ZNF385D: variants seen among roughly 807,000 people sequenced by gnomAD.
ZNF385D encodes the protein zinc finger protein 385D, also known as zinc finger protein 659.
A neutral mutation model predicts 35.8 loss-of-function variants in ZNF385D; 15 were observed. The ratio of observed to expected loss-of-function variants is 0.42; its 90% CI spans 0.28 to 0.64. ZNF385D has a LOEUF of 0.64. Ranked by LOEUF, ZNF385D falls within the 30% of genes least tolerant of loss-of-function variation. The probability of loss-of-function intolerance (pLI) is 0.23; values close to 1 mark genes in which losing one functional copy is unlikely to be tolerated. For synonymous variants in ZNF385D, 212 were observed against 186.8 expected (o/e 1.13, Z -1.10); for missense variants, 474 against 494.6 (o/e 0.96, Z 0.39).
intron 3 of ZNF385D, among the ~76,000 whole-genome samples, chr3:21,919,715 ACTACCATCCTGCAGAACCAG>A (rs1254386311): frequency 2.6e-5 from 4 of 152,224 alleles, no homozygotes; most frequent in African/African-American, 9.6e-5. Flanking sequence ...AGTTGCTCAT[ACTACCATCCTGCAGAACCAG>A]CATTCTTCAG....
chr3:22,230,723 A>T (rs1907619), intron 2 of ZNF385D, among the ~76,000 whole-genome samples: 24,260 of 152,116 alleles, frequency 0.16, 1,990 homozygotes, highest in Middle Eastern at 0.23. Flanking sequence ...ACAAGGAAAA[A>T]TTTGGCCGGT....
intron 3 of ZNF385D, among the ~76,000 whole-genome samples, chr3:21,889,218 G>A (rs940322363): frequency 1.3e-5 from 2 of 152,164 alleles, no homozygotes; most frequent in Admixed American, 1.3e-4. Flanking sequence ...TCATATTAAA[G>A]GTCTTTGTTT....
chr3:21,958,048 T>C (rs865790309), intron 3 of ZNF385D, among the ~76,000 whole-genome samples: 3 of 152,258 alleles, frequency 2.0e-5, no homozygotes, highest in South Asian at 2.1e-4. Flanking sequence ...CACCCACACA[T>C]TGCCCTTTTA....
chr3:21,762,113 G>A lies in ZNF385D; in HGVS notation c.326-97085C>T, dbSNP rs546759189. On this transcript the variant is annotated intron_variant, in intron 3 of 5. Coordinates refer to the ZNF385D transcript ENST00000494108. ...AGGATGGTCTCGATCTCCTGACCTCGTGATCTGCCTGCCTCAGCCTCCTAA... is the reference window on the plus strand; with the variant it reads ...AGGATGGTCTCGATCTCCTGACCTCATGATCTGCCTGCCTCAGCCTCCTAA... Among the ~76,000 whole-genome samples, 5 of 152,012 alleles carry A rather than the reference G, an allele frequency of 3.3e-5. No individual in the cohort carries two copies. The South Asian group carries it at 8.3e-4, about 25-fold the overall frequency.
chr3:21,730,944 T>C (rs2068968691), intron 1 of ZNF385D, among the ~76,000 whole-genome samples: 1 of 152,232 alleles, frequency 6.6e-6, no homozygotes, highest in African/African-American at 2.4e-5. Flanking sequence ...AGGCTCACTT[T>C]TGTTGTTTCC....
At position 22,081,229 on chromosome 3, in the gene ZNF385D, A is replaced by T. The variant is rs558348650; in HGVS notation, c.325+87588T>A. Among the ~76,000 whole-genome samples, 21 of 152,270 alleles carry T rather than the reference A, an allele frequency of 1.4e-4. No homozygotes were observed. In the East Asian group the frequency reaches 4.1e-3, roughly 29 times the overall value. On this transcript the variant is annotated intron_variant, in intron 3 of 5. Transcript: ENST00000494108. ...CTTATTAAAATTTTGCCCCAAATTCATCCTATCTTATTTTGTATTTCATCC... is the reference window on the plus strand; with the variant it reads ...CTTATTAAAATTTTGCCCCAAATTCTTCCTATCTTATTTTGTATTTCATCC...
chr3:22,178,592 T>A (rs2125774496), intron 2 of ZNF385D, among the ~76,000 whole-genome samples: 3 of 152,290 alleles, frequency 2.0e-5, no homozygotes, highest in Middle Eastern at 6.8e-3. Flanking sequence ...TTTAATTAGA[T>A]CCCATTTGTC....
intron 1 of ZNF385D, among the ~76,000 whole-genome samples, chr3:21,750,662 C>T (rs1441622953): frequency 4.0e-5 from 6 of 151,046 alleles, no homozygotes; most frequent in South Asian, 4.2e-4. Context: ...GCCCCCTCCA[C>T]ATGTCCCTGT....
intron 2 of ZNF385D, among the ~76,000 whole-genome samples, chr3:22,218,162 A>G (rs1328637764): frequency 6.6e-6 from 1 of 152,112 alleles, no homozygotes; most frequent in Non-Finnish European, 1.5e-5. Context: ...TTACAATTTC[A>G]TCAAATCTTT....
rs1251674137 is a variant in ZNF385D at position 21,975,749 on chromosome 3, A to G, written c.325+193068T>C. ...TATATATATATATATATATATATAT[A>G]TATATACACACACTATGGTATCCAC... On this transcript the variant is annotated intron_variant, in intron 3 of 5. Coordinates refer to the ZNF385D transcript ENST00000494108. Among the ~76,000 whole-genome samples, 8 of 108,574 alleles carry G rather than the reference A, an allele frequency of 7.4e-5. 1 individual carries two copies. Among genetic ancestry groups the G allele is most frequent in the African/African-American group, 3.8e-4 (6 of 15,724 alleles). 71.2% of individuals were successfully genotyped at this position (108,574 alleles called of 152,430 possible).
chr3:22,106,845 G>T (rs1049162202), intron 3 of ZNF385D, among the ~76,000 whole-genome samples: 4 of 152,014 alleles, frequency 2.6e-5, no homozygotes, highest in African/African-American at 9.7e-5. Context: ...CAACCACCAC[G>T]ATCCCTTAAC....
At chr3:22,032,659 CA>C (rs1698073452) in intron 3 of ZNF385D, among the ~76,000 whole-genome samples, 1 of 152,128 alleles carries the variant, frequency 6.6e-6, no homozygotes, top group South Asian at 2.1e-4. Flanking sequence ...TTAAACTACA[CA>C]CTGACAAGTA....
chr3:21,521,732 G>A (rs1707921192), intron 3 of ZNF385D, among the ~76,000 whole-genome samples: 1 of 151,690 alleles, frequency 6.6e-6, no homozygotes, highest in Admixed American at 6.6e-5. Context: ...AACGGAGTGA[G>A]ATACTTTCTC....
At chr3:22,015,277 G>A (rs1696814673) in intron 3 of ZNF385D, among the ~76,000 whole-genome samples, 1 of 152,090 alleles carries the variant, frequency 6.6e-6, no homozygotes, top group African/African-American at 2.4e-5. Flanking sequence ...TATAAATACT[G>A]ATAACAGCTA....
intron 3 of ZNF385D, among the ~76,000 whole-genome samples, chr3:21,874,841 TTAAG>T (rs1697880177): frequency 6.6e-6 from 1 of 152,114 alleles, no homozygotes; most frequent in South Asian, 2.1e-4. Context: ...TTTAACAATA[TTAAG>T]TATTTCAATT....
chr3:21,993,394 T>TTC (rs1312803770), intron 3 of ZNF385D, among the ~76,000 whole-genome samples: 1 of 152,090 alleles, frequency 6.6e-6, no homozygotes, highest in African/African-American at 2.4e-5. Flanking sequence ...AAATTATTGA[T>TTC]TGTCTCTCTC....
At chr3:22,335,543 T>A (rs1695124753) in intron 2 of ZNF385D, among the ~76,000 whole-genome samples, 1 of 152,080 alleles carries the variant, frequency 6.6e-6, no homozygotes, top group South Asian at 2.1e-4. Context: ...CTATAATCAA[T>A]CCTATTGAAT....
intron 3 of ZNF385D, among the ~76,000 whole-genome samples, chr3:21,968,231 G>C (rs1286480502): frequency 6.6e-6 from 1 of 152,156 alleles, no homozygotes; most frequent in Non-Finnish European, 1.5e-5. Flanking sequence ...GCCGTAGCCA[G>C]AGGAAAATTA....
intron 2 of ZNF385D, among the ~76,000 whole-genome samples, chr3:22,222,157 A>T (rs1290889760): frequency 6.6e-6 from 1 of 151,892 alleles, no homozygotes; most frequent in Non-Finnish European, 1.5e-5. Flanking sequence ...TTATATTTTT[A>T]GTAGAGATGG....
Sources: gnomAD v4.1 joint callset for allele counts (sites outside exome capture counted in the v4.1 genomes callset) on GRCh38, gnomAD v4.1.1 for gene constraint, MANE v1.5 for transcripts, NCBI Gene and HGNC (gene_info 2026-07-23, HGNC 2026-07-21) for gene names.